The following TMEM135 variants were observed in gnomAD, a reference collection of about 807,000 sequenced individuals.
TMEM135 encodes the protein peroxisomal membrane protein 52.
A neutral mutation model predicts 60.3 loss-of-function variants in TMEM135; 30 were observed. The ratio of observed to expected loss-of-function variants is 0.50; its 90% CI spans 0.37 to 0.68. The LOEUF (loss-of-function observed/expected upper bound fraction) is 0.68. TMEM135 is among the 30% of genes least tolerant of loss of function. TMEM135 has a pLI of 0.00. For missense variants in TMEM135, 468 were observed against 548.8 expected (o/e 0.85, Z 1.47); for synonymous variants, 190 against 186.7 (o/e 1.02, Z -0.14).
chr11:87,097,611 G>T (rs1330182098), intron 4 of TMEM135, among the ~76,000 whole-genome samples: 1 of 152,110 alleles, frequency 6.6e-6, no homozygotes. Flanking sequence ...TGTGGTTATG[G>T]GGGGGTCTTT....
At chr11:87,286,513 C>G (rs554548947) in intron 6 of TMEM135, among the ~76,000 whole-genome samples, 2 of 152,244 alleles carry the variant, frequency 1.3e-5, no homozygotes, top group African/African-American at 4.8e-5. Context: ...TCCCGTGCTG[C>G]GCGCCTGCAC....
intron 6 of TMEM135, among the ~76,000 whole-genome samples, chr11:87,247,883 G>A (rs1317115498): frequency 6.6e-6 from 1 of 151,984 alleles, no homozygotes. Context: ...CCACTCTCTG[G>A]CACTCCCTAG....
At position 87,328,284 on chromosome 11, in the gene TMEM135, C is replaced by T. The variant is rs1006703185; in HGVS notation, c.*6951C>T. On this transcript the variant is annotated 3_prime_UTR_variant, in exon 15 of 15. Transcript: ENST00000305494. The stretch of plus-strand genomic sequence containing the variant: ...TATGCTAAAATACTGTCAATCTCGT[C>T]TTTGAAGGTTTTGCTCATCTTTAAA... 11 of 453,894 alleles carry T rather than the reference C, an allele frequency of 2.4e-5. No individual in the cohort carries two copies. Among genetic ancestry groups the T allele is most frequent in the African/African-American group, 2.0e-4 (10 of 49,966 alleles). The allele number at this position is 453,894 out of a possible 1,614,324, so 28.1% of individuals were successfully genotyped here.
At chr11:87,152,176 T>G (rs1004895044) in intron 4 of TMEM135, among the ~76,000 whole-genome samples, 3 of 152,188 alleles carry the variant, frequency 2.0e-5, no homozygotes, top group Non-Finnish European at 2.9e-5. Flanking sequence ...TTTGTACTGT[T>G]AAGTCAGTTA....
At chr11:87,167,547 C>T (rs916387998) in intron 5 of TMEM135, among the ~76,000 whole-genome samples, 6 of 152,166 alleles carry the variant, frequency 3.9e-5, no homozygotes, top group Non-Finnish European at 7.3e-5. Context: ...AAGGCCTTTT[C>T]TGCATCTATT....
chr11:87,187,948 C>A (rs1042170494), intron 5 of TMEM135, among the ~76,000 whole-genome samples: 2 of 152,020 alleles, frequency 1.3e-5, no homozygotes, highest in African/African-American at 4.8e-5. Flanking sequence ...ACTTAGAGAC[C>A]CAGTTAATGT....
chr11:87,140,218 C>G (rs1362260304), intron 4 of TMEM135, among the ~76,000 whole-genome samples: 1 of 152,050 alleles, frequency 6.6e-6, no homozygotes, highest in African/African-American at 2.4e-5. Context: ...CAGGTGCATG[C>G]CACCACGCCC....
chr11:87,212,098 G>A (rs1940384258), intron 5 of TMEM135, among the ~76,000 whole-genome samples: 1 of 152,158 alleles, frequency 6.6e-6, no homozygotes, highest in Non-Finnish European at 1.5e-5. Flanking sequence ...CTATCCATTT[G>A]TAAATGGTAA....
At chr11:87,090,926 G>A (rs1857191865) in intron 3 of TMEM135, among the ~76,000 whole-genome samples, 1 of 150,744 alleles carries the variant, frequency 6.6e-6, no homozygotes, top group African/African-American at 2.5e-5. Context: ...GTGTGAAACA[G>A]ATAGAAGGCT....
In TMEM135 at chr11:87,321,605, A is replaced by G. The variant is rs760470027; in HGVS notation, c.*272A>G. ...TATTGATCAAATTATGTCCACAAGCAATATTATATAATCTACGTAGAAGTG... is the reference window on the plus strand; with the variant it reads ...TATTGATCAAATTATGTCCACAAGCGATATTATATAATCTACGTAGAAGTG... On this transcript the variant is annotated 3_prime_UTR_variant, in exon 15 of 15. Coordinates refer to ENST00000305494, the MANE Select transcript of TMEM135 (RefSeq NM_022918.4). 5.1e-5 allele frequency: 30 copies of G among 586,354 alleles called. No individual in the cohort carries two copies. Among genetic ancestry groups the G allele is most frequent in the Non-Finnish European group, 7.9e-5 (25 of 314,856 alleles). The allele number at this position is 586,354 out of a possible 1,614,324, so 36.3% of individuals were successfully genotyped here.
intron 5 of TMEM135, among the ~76,000 whole-genome samples, chr11:87,231,329 A>G (rs752952486): frequency 2.6e-5 from 4 of 152,188 alleles, no homozygotes; most frequent in Non-Finnish European, 5.9e-5. Flanking sequence ...TTGAGTAGTT[A>G]GCACTCAAAC....
intron 4 of TMEM135, among the ~76,000 whole-genome samples, chr11:87,104,346 A>G (rs75352871): frequency 0.091 from 13,810 of 152,198 alleles, 691 homozygotes; most frequent in Non-Finnish European, 0.1. Flanking sequence ...GATTTAAAAT[A>G]TATTTTAAAA....
intron 6 of TMEM135, among the ~76,000 whole-genome samples, chr11:87,247,149 CGTG>C (rs1565501102): frequency 2.7e-5 from 4 of 150,856 alleles, no homozygotes; most frequent in African/African-American, 9.8e-5. Context: ...TACCAGCAGC[CGTG>C]GCTGCAGAAG....
chr11:87,269,486 C>T (rs1234340633), intron 6 of TMEM135, among the ~76,000 whole-genome samples: 1 of 151,650 alleles, frequency 6.6e-6, no homozygotes. Flanking sequence ...CTAATGCTAT[C>T]CCTCCCCCCT....
chr11:87,092,348 C>T (rs1857226539), intron 4 of TMEM135, among the ~76,000 whole-genome samples: 1 of 152,078 alleles, frequency 6.6e-6, no homozygotes, highest in Non-Finnish European at 1.5e-5. Flanking sequence ...GCGGTTGGGT[C>T]AGAGAAAAGT....
chr11:87,137,879 T>A (rs1259376789), intron 4 of TMEM135, among the ~76,000 whole-genome samples: 1 of 152,114 alleles, frequency 6.6e-6, no homozygotes, highest in Non-Finnish European at 1.5e-5. Context: ...TAGAGCCAGA[T>A]GACTGCTCTC....
intron 6 of TMEM135, among the ~76,000 whole-genome samples, chr11:87,270,887 TAAC>T (rs1297744050): frequency 1.3e-5 from 2 of 152,118 alleles, no homozygotes; most frequent in Non-Finnish European, 2.9e-5. Context: ...TAAAAAATGT[TAAC>T]AATATTTTCT....
intron 6 of TMEM135, among the ~76,000 whole-genome samples, chr11:87,289,267 C>T (rs1942221712): frequency 6.6e-6 from 1 of 151,986 alleles, no homozygotes; most frequent in African/African-American, 2.4e-5. Context: ...TATCTGTAAT[C>T]TCAAATATTT....
intron 3 of TMEM135, among the ~76,000 whole-genome samples, chr11:87,087,761 A>T (rs1224840555): frequency 6.6e-6 from 1 of 150,444 alleles, no homozygotes; most frequent in African/African-American, 2.4e-5. Context: ...TTTGAGTTGG[A>T]GTTTTGCTCT....
Sources: gnomAD v4.1 joint callset for allele counts (sites outside exome capture counted in the v4.1 genomes callset) on GRCh38, gnomAD v4.1.1 for gene constraint, MANE v1.5 for transcripts, NCBI Gene and HGNC (gene_info 2026-07-23, HGNC 2026-07-21) for gene names.